Variants in PID1 observed in about 807,000 individuals in gnomAD.
PID1 encodes the protein PTB-containing, cubilin and LRP1-interacting protein.
Under a neutral mutation model 19.1 loss-of-function variants are expected in PID1, and 10 were observed. The observed-to-expected ratio is 0.52, with a 90% CI of 0.32 to 0.89. The LOEUF (loss-of-function observed/expected upper bound fraction) is 0.89, where lower values mean the gene tolerates loss of function less well. PID1 is among the 40% of genes least tolerant of loss of function. PID1 has a pLI of 0.03. For synonymous variants in PID1, 130 were observed against 116.0 expected, an observed-to-expected ratio of 1.12 and a Z score of -0.78; for missense variants, 248 against 285.3, an observed-to-expected ratio of 0.87 and a Z score of 0.94.
chr2:229,144,342 C>T (rs1251948541), intron 2 of PID1, among the ~76,000 whole-genome samples: 1 of 152,142 alleles, frequency 6.6e-6, no homozygotes, highest in Non-Finnish European at 1.5e-5. Context: ...ACAAGGAACT[C>T]TCAGGGTGAG....
At chr2:229,092,069 A>T (rs567393483) in intron 2 of PID1, among the ~76,000 whole-genome samples, 3 of 112,058 alleles carry the variant, frequency 2.7e-5, no homozygotes, top group Non-Finnish European at 5.1e-5. Context: ...CCTGGCTTGC[A>T]CTGATTTCTT....
intron 1 of PID1, among the ~76,000 whole-genome samples, chr2:229,245,966 T>C (rs1197277818): frequency 6.6e-6 from 1 of 152,182 alleles, no homozygotes; most frequent in Non-Finnish European, 1.5e-5. Context: ...CTGTTTTTCG[T>C]GCTCTGTTTG....
At chr2:229,070,521 A>C (rs1694429664) in intron 2 of PID1, among the ~76,000 whole-genome samples, 1 of 152,200 alleles carries the variant, frequency 6.6e-6, no homozygotes, top group South Asian at 2.1e-4. Context: ...AGAAGCTCTG[A>C]TCATAAACTT....
At chr2:229,034,695 A>G (rs1220661911) in intron 2 of PID1, among the ~76,000 whole-genome samples, 4 of 152,002 alleles carry the variant, frequency 2.6e-5, no homozygotes, top group African/African-American at 9.7e-5. Context: ...TCTGGGAACT[A>G]TTTTCAATAC....
chr2:229,165,531 G>C (rs1690579538), intron 1 of PID1, among the ~76,000 whole-genome samples: 1 of 151,920 alleles, frequency 6.6e-6, no homozygotes, highest in Non-Finnish European at 1.5e-5. Flanking sequence ...AGTGAGCTAT[G>C]ATCAAGCCAC....
chr2:229,205,173 A>G (rs1394490374), intron 1 of PID1, among the ~76,000 whole-genome samples: 1 of 152,108 alleles, frequency 6.6e-6, no homozygotes, highest in Non-Finnish European at 1.5e-5. Context: ...TGCATCCTAA[A>G]CATTTATACA....
At chr2:229,171,619 TAC>T (rs1048553292) in intron 1 of PID1, among the ~76,000 whole-genome samples, 3 of 152,348 alleles carry the variant, frequency 2.0e-5, no homozygotes, top group African/African-American at 4.8e-5. Flanking sequence ...AACACCTGAA[TAC>T]ATTGTTTAGA....
intron 2 of PID1, among the ~76,000 whole-genome samples, chr2:229,149,937 C>A (rs75018570): frequency 6.6e-6 from 1 of 152,100 alleles, no homozygotes; most frequent in South Asian, 2.1e-4. Context: ...GGAAGGGGAG[C>A]ACAAAGAAAT....
intron 2 of PID1, among the ~76,000 whole-genome samples, chr2:229,046,781 T>C (rs1384123641): frequency 1.3e-5 from 2 of 152,128 alleles, no homozygotes; most frequent in African/African-American, 4.8e-5. Context: ...AGACAAAAAT[T>C]ACAATTTGAC....
chr2:229,214,755 T>C (rs1490095631), intron 1 of PID1, among the ~76,000 whole-genome samples: 2 of 152,128 alleles, frequency 1.3e-5, no homozygotes, highest in Non-Finnish European at 2.9e-5. Context: ...CTGTTGTTGA[T>C]TTGTTTTATT....
rs548143028 is a variant in PID1 at position 229,102,191 on chromosome 2, C to T, written c.177+53627G>A. ...TGGACTTCAGTTCACAGAGACCCAT[C>T]CTAAACTTCTCACCTGCATAAATGT... On this transcript the variant is annotated intron_variant, in intron 2 of 2. Coordinates refer to ENST00000392055, the MANE Select transcript of PID1 (RefSeq NM_001100818.2). Among the ~76,000 whole-genome samples the T allele has an allele frequency of 1.2e-4, 19 of 152,130 alleles. 1 individual carries two copies. Among genetic ancestry groups the T allele is most frequent in the Middle Eastern group, 3.4e-3 (1 of 294 alleles).
intron 1 of PID1, among the ~76,000 whole-genome samples, chr2:229,199,162 CA>C (rs1220341232): frequency 3.3e-5 from 5 of 152,044 alleles, no homozygotes; most frequent in Admixed American, 1.3e-4. Context: ...ATGCCTGAGA[CA>C]ACCTCCTTAT....
chr2:229,154,581 A>C (rs907516963), intron 2 of PID1, among the ~76,000 whole-genome samples: 1 of 152,166 alleles, frequency 6.6e-6, no homozygotes, highest in Non-Finnish European at 1.5e-5. Flanking sequence ...GGAATGAATG[A>C]ATGTGGATGA....
intron 2 of PID1, among the ~76,000 whole-genome samples, chr2:229,038,194 A>G (rs1249256293): frequency 6.6e-6 from 1 of 152,222 alleles, no homozygotes. Context: ...GAATTGTTAT[A>G]TATTCTAGAG....
chr2:229,124,983 G>A (rs937814337), intron 2 of PID1, among the ~76,000 whole-genome samples: 1 of 152,096 alleles, frequency 6.6e-6, no homozygotes, highest in African/African-American at 2.4e-5. Flanking sequence ...ATGTCTATAC[G>A]TGTGTGAGTG....
rs186105076 is a variant in PID1, at chr2:229,131,534, T to A, written c.177+24284A>T. 5.3e-4 allele frequency among the ~76,000 whole-genome samples: 81 copies of A among 152,234 alleles called. 2 individuals are homozygous for A. The highest frequency in any genetic ancestry group is 4.3e-3 in the Admixed American group (66 of 15,284). ...GTGTGAGCCACCATGGCCAGCCACA[T>A]TTTTCTATGAGAACAAAGTCATGTG... On this transcript the variant is annotated intron_variant, in intron 2 of 2. Coordinates refer to ENST00000392055, the MANE Select transcript of PID1 (RefSeq NM_001100818.2).
chr2:229,072,478 C>T (rs1694476154), intron 2 of PID1, among the ~76,000 whole-genome samples: 2 of 152,122 alleles, frequency 1.3e-5, no homozygotes, highest in African/African-American at 4.8e-5. Flanking sequence ...GTCCCAGCTC[C>T]TCAGGAGGCT....
intron 1 of PID1, among the ~76,000 whole-genome samples, chr2:229,253,223 T>C (rs1025453665): frequency 1.3e-5 from 2 of 152,186 alleles, no homozygotes; most frequent in Non-Finnish European, 2.9e-5. Flanking sequence ...AAGCAGCTAT[T>C]TGCATCCCTG....
At chr2:229,201,387 A>T (rs1011237213) in intron 1 of PID1, among the ~76,000 whole-genome samples, 65 of 152,098 alleles carry the variant, frequency 4.3e-4, no homozygotes, top group African/African-American at 1.4e-3. Context: ...TTCTTTTGTG[A>T]CTGTCTTCTT....
Sources: allele counts gnomAD v4.1 joint callset (sites outside exome capture counted in the v4.1 genomes callset), GRCh38; gene constraint gnomAD v4.1.1; transcripts MANE v1.5; gene names NCBI Gene and HGNC (gene_info 2026-07-23, HGNC 2026-07-21).